Variants in BRSK1 observed in about 807,000 individuals in gnomAD.
BRSK1 encodes the protein serine/threonine-protein kinase BRSK1.
A neutral mutation model predicts 86.2 loss-of-function variants in BRSK1; 17 were observed. The observed-to-expected ratio is 0.20, with a 90% CI of 0.14 to 0.30. The LOEUF (loss-of-function observed/expected upper bound fraction) is 0.30, where lower values mean the gene tolerates loss of function less well. BRSK1 is among the 10% of genes least tolerant of loss of function. The probability of loss-of-function intolerance (pLI) is 1.00; values close to 1 mark genes in which losing one functional copy is unlikely to be tolerated. For synonymous variants in BRSK1, 464 were observed against 440.1 expected (o/e 1.05, Z -0.68); for missense variants, 719 against 1,071.9 (o/e 0.67, Z 4.60).
At chr19:55,293,682 G>GGCCT (rs1366420985) in intron 4 of BRSK1, among the ~76,000 whole-genome samples, 1 of 143,850 alleles carries the variant, frequency 7.0e-6, no homozygotes, top group Non-Finnish European at 1.5e-5. Flanking sequence ...ATGGTGGTGC[G>GGCCT]GCCTGTAGTC....
At position 55,304,342 on chromosome 19, in the gene BRSK1, A is replaced by C. The variant is rs542786055; in HGVS notation, c.1348-209A>C. Among the ~76,000 whole-genome samples, 70 of 152,278 alleles carry C rather than the reference A, an allele frequency of 4.6e-4. 1 individual carries two copies. Among genetic ancestry groups the C allele is most frequent in the Admixed American group, 1.3e-3 (20 of 15,298 alleles). ...AAAGTTAGTTGAGTGCCTGCTGTGTACTAGTATCTGCACCGGCTGGGTTTT... is the reference window on the plus strand; with the variant it reads ...AAAGTTAGTTGAGTGCCTGCTGTGTCCTAGTATCTGCACCGGCTGGGTTTT... On this transcript the variant is annotated intron_variant, in intron 13 of 18. Transcript: ENST00000309383. The surrounding 1 kb of genome is among the most constrained non-coding windows in gnomAD (Gnocchi z 5.2).
At position 55,302,269 on chromosome 19, in the gene BRSK1, G is replaced by A. The variant is rs2088582805; in HGVS notation, c.857+101G>A. 4.4e-6 allele frequency: 6 copies of A among 1,371,044 alleles called. No individual in the cohort carries two copies. The South Asian group carries it at 7.0e-5, about 16-fold the overall frequency. 84.9% of individuals were successfully genotyped at this position (1,371,044 alleles called of 1,614,324 possible). A position where few individuals can be genotyped will look rare whatever the true frequency, so the allele number is the denominator to read the frequency against. On this transcript the variant is annotated intron_variant, in intron 9 of 18. Transcript: ENST00000309383. This position sits in a 1 kb window ranked among gnomAD's most constrained non-coding sequence, Gnocchi z 6.3. ...AGGGGTGGGATGCCAGGGTTCCTGA[G>A]AGGCAACGGGCTAGGGACTCGGACT...
chr19:55,284,404 G>A lies in BRSK1; in HGVS notation c.-39G>A. On this transcript the variant is annotated 5_prime_UTR_variant, in exon 1 of 19. Coordinates refer to ENST00000309383, the MANE Select transcript of BRSK1 (RefSeq NM_032430.2). ...GAGACGGGGCGACGGCCGCAGGGGG[G>A]GCGGCCGGGGGACCGGTCGGGCCGG... is the stretch of plus-strand genomic sequence containing the variant. 2 of 1,121,764 alleles carry A rather than the reference G, an allele frequency of 1.8e-6. No homozygotes were observed. The highest frequency in any genetic ancestry group is 2.3e-6 in the Non-Finnish European group (2 of 873,186). The allele number at this position is 1,121,764 out of a possible 1,614,324, so 69.5% of individuals were successfully genotyped here. A position where few individuals can be genotyped will look rare whatever the true frequency, so the allele number is the denominator to read the frequency against.
At chr19:55,299,124 C>T (rs1185927171) in intron 7 of BRSK1, among the ~76,000 whole-genome samples, 1 of 152,056 alleles carries the variant, frequency 6.6e-6, no homozygotes, top group Non-Finnish European at 1.5e-5. Flanking sequence ...CCACTGCACT[C>T]CGGGCTACAG....
chr19:55,298,650 C>T (rs1024137856), intron 7 of BRSK1, among the ~76,000 whole-genome samples: 14 of 152,298 alleles, frequency 9.2e-5, no homozygotes, highest in African/African-American at 2.2e-4. Context: ...TGCAGGTTTC[C>T]GGCTGAGGTC....
At position 55,304,648 on chromosome 19, in the gene BRSK1, G is replaced by C. The variant is rs776536296; in HGVS notation, c.1445G>C (p.Gly482Ala). The C allele has an allele frequency of 1.3e-6, 2 of 1,516,318 alleles. No individual in the cohort carries two copies. Among genetic ancestry groups the C allele is most frequent in the Admixed American group, 4.5e-5 (2 of 44,400 alleles). The allele number at this position is 1,516,318 out of a possible 1,614,324, so 93.9% of individuals were successfully genotyped here. ...AAAACGCAGACGCTGCCTTCTCGGG[G>C]CCCCAGGGGTGGGGGCGCCGGGGAG... ...TSKTQTLPSR[G>A]PRGGGAGEQP... The change falls in exon 14 of 19, where the codon GGC (glycine) becomes GCC (alanine). Residue 482 changes from glycine (G) to alanine (A), a missense_variant. Physicochemically the swap from Gly to Ala is moderately conservative, Grantham distance 60. Transcript: ENST00000309383. This position sits in a 1 kb window ranked among gnomAD's most constrained non-coding sequence, Gnocchi z 5.2.
Position 55,294,456 on chromosome 19 carries a change from G to A in BRSK1, c.678+59G>A, listed in dbSNP as rs955676508. The A allele has an allele frequency of 1.3e-6, 2 of 1,549,204 alleles. No individual in the cohort carries two copies. Among genetic ancestry groups the A allele is most frequent in the African/African-American group, 2.7e-5 (2 of 73,320 alleles). On this transcript the variant is annotated intron_variant, in intron 7 of 18. Coordinates refer to ENST00000309383, the MANE Select transcript of BRSK1 (RefSeq NM_032430.2). The surrounding 1 kb of genome is among the most constrained non-coding windows in gnomAD (Gnocchi z 4.9). The stretch of plus-strand genomic sequence containing the variant: ...ATCAATCCCACCTGGTGGGAGCATA[G>A]GACAGTACCTTCCATCCTCAGGTCA...
In BRSK1 at chr19:55,310,322, C is replaced by T. The variant is rs1351273293; in HGVS notation, c.2180-1589C>T. On this transcript the variant is annotated intron_variant, in intron 18 of 18. Transcript: ENST00000309383. This position sits in a 1 kb window ranked among gnomAD's most constrained non-coding sequence, Gnocchi z 5.0. ...TAGGCGCTCTGGTTAAGGCCCGTTC[C>T]TCCATCTTCAAAGCCAGTGACGCCA... Among the ~76,000 whole-genome samples the T allele has an allele frequency of 6.6e-6, 1 of 152,156 alleles. No homozygotes were observed. The highest frequency in any genetic ancestry group is 1.5e-5 in the Non-Finnish European group (1 of 68,040).
At chr19:55,285,995 G>T (rs2088304727) in intron 1 of BRSK1, among the ~76,000 whole-genome samples, 1 of 146,684 alleles carries the variant, frequency 6.8e-6, no homozygotes. Flanking sequence ...GTCTGAGGGA[G>T]GAGGAACTGG....
chr19:55,304,131 G>A lies in BRSK1; in HGVS notation c.1347+21G>A. The A allele has an allele frequency of 1.2e-6, 2 of 1,607,558 alleles. No individual in the cohort carries two copies. The highest frequency in any genetic ancestry group is 2.2e-5 in the East Asian group (1 of 44,850). On this transcript the variant is annotated intron_variant, in intron 13 of 18. Transcript: ENST00000309383. This position sits in a 1 kb window ranked among gnomAD's most constrained non-coding sequence, Gnocchi z 5.2. ...CAAGGGTAAGGCCAGGTCCCCAGTG[G>A]GATTTAAGAAGGAGAAAGGGGTGGA...
chr19:55,310,183 G>A lies in BRSK1; in HGVS notation c.2179+1455G>A, dbSNP rs1011521018. 5.9e-5 allele frequency among the ~76,000 whole-genome samples: 9 copies of A among 152,176 alleles called. No homozygotes were observed. The highest frequency in any genetic ancestry group is 1.2e-4 in the African/African-American group (5 of 41,440). ...GGCTGAAACAACACAAGTGATTTTC[G>A]TACAGTCCTGGAGGTCAGAAGTCCC... is the stretch of plus-strand genomic sequence containing the variant. On this transcript the variant is annotated intron_variant, in intron 18 of 18. Transcript: ENST00000309383. The surrounding 1 kb of genome is among the most constrained non-coding windows in gnomAD (Gnocchi z 5.0).
chr19:55,303,617 A>G lies in BRSK1; in HGVS notation c.1127-50A>G, dbSNP rs776757540. The G allele has an allele frequency of 1.3e-6, 2 of 1,562,882 alleles. No homozygotes were observed. Among genetic ancestry groups the G allele is most frequent in the Non-Finnish European group, 8.7e-7 (1 of 1,152,516 alleles). ...TGTGCAGTTTCTGAGGCAGTTGTAC[A>G]CAGCTGGGTGAAACCATCTCTTGAT... On this transcript the variant is annotated intron_variant, in intron 11 of 18. Transcript: ENST00000309383. This position sits in a 1 kb window ranked among gnomAD's most constrained non-coding sequence, Gnocchi z 5.1.
At chr19:55,293,495 C>G (rs2088438911) in intron 4 of BRSK1, among the ~76,000 whole-genome samples, 1 of 150,076 alleles carries the variant, frequency 6.7e-6, no homozygotes, top group Non-Finnish European at 1.5e-5. Flanking sequence ...GAATGAGACT[C>G]CATCTCAATA....
Position 55,287,813 on chromosome 19 carries a change from G to A in BRSK1, c.317+514G>A, listed in dbSNP as rs538565766. On this transcript the variant is annotated intron_variant, in intron 3 of 18. Transcript: ENST00000309383. The surrounding 1 kb of genome is among the most constrained non-coding windows in gnomAD (Gnocchi z 5.3). Reference sequence around the variant, plus strand: ...CTATCTCAAAGTCAATCACCCGCCAGGAAGGATGGGGGTGGGGGTCCAGCT... The same window carrying A: ...CTATCTCAAAGTCAATCACCCGCCAAGAAGGATGGGGGTGGGGGTCCAGCT... 6.6e-6 allele frequency among the ~76,000 whole-genome samples: 1 copy of A among 152,228 alleles called. No homozygotes were observed. Among genetic ancestry groups the A allele is most frequent in the Non-Finnish European group, 1.5e-5 (1 of 68,046 alleles).
Position 55,284,350 on chromosome 19 carries a change from G to C in BRSK1, c.-93G>C. 1.1e-6 allele frequency: 1 copy of C among 916,372 alleles called. No individual in the cohort carries two copies. The highest frequency in any genetic ancestry group is 1.4e-6 in the Non-Finnish European group (1 of 693,654). 56.8% of individuals were successfully genotyped at this position (916,372 alleles called of 1,614,324 possible). Reference sequence around the variant, plus strand: ...AGGTGGGGGGCAGCCGGGGGGGCCGGGACGGAGCGGTCGCCGGCCCCCACC... The same window carrying C: ...AGGTGGGGGGCAGCCGGGGGGGCCGCGACGGAGCGGTCGCCGGCCCCCACC... On this transcript the variant is annotated 5_prime_UTR_variant, in exon 1 of 19. Transcript: ENST00000309383.
At chr19:55,311,011 A>G (rs1385422440) in intron 18 of BRSK1, among the ~76,000 whole-genome samples, 17 of 152,018 alleles carry the variant, frequency 1.1e-4, no homozygotes, top group Admixed American at 1.1e-3. Context: ...CTCAGGCTGG[A>G]GTGCAGTGGC....
chr19:55,305,652 G>A, intron 16 of BRSK1, 66 bp downstream of exon 16: 1 of 1,607,640 alleles, frequency 6.2e-7, no homozygotes. Flanking sequence ...AGCCCCTGGG[G>A]CTAACCACCT....
chr19:55,303,061 G>GACATAGTACTTACATAT lies in BRSK1; in HGVS notation c.1028+209_1029-219dup, dbSNP rs1409392106. 1.5e-6 allele frequency: 1 copy of GACATAGTACTTACATAT among 682,108 alleles called. No individual in the cohort carries two copies. 42.3% of individuals were successfully genotyped at this position (682,108 alleles called of 1,614,324 possible). On this transcript the variant is annotated intron_variant, in intron 10 of 18. Coordinates refer to ENST00000309383, the MANE Select transcript of BRSK1 (RefSeq NM_032430.2). This position sits in a 1 kb window ranked among gnomAD's most constrained non-coding sequence, Gnocchi z 5.1. ...CTGAGAAAGTATTAATAGATGCTGC[G>GACATAGTACTTACATAT]ACATAGTACTTACATATACATAGTA... is the stretch of plus-strand genomic sequence containing the variant.
chr19:55,299,280 C>T (rs985630787), intron 7 of BRSK1, among the ~76,000 whole-genome samples: 1 of 152,098 alleles, frequency 6.6e-6, no homozygotes, highest in Non-Finnish European at 1.5e-5. Context: ...AGCCGTGACT[C>T]GTTCACTAGT....
Sources: allele counts gnomAD v4.1 joint callset (sites outside exome capture counted in the v4.1 genomes callset), GRCh38; gene constraint gnomAD v4.1.1; non-coding constraint Gnocchi (gnomAD v3.1); transcripts MANE v1.5; gene names NCBI Gene and HGNC (gene_info 2026-07-23, HGNC 2026-07-21).